Variants in TLL1 observed in about 807,000 individuals in gnomAD.
The protein encoded by TLL1 is tolloid-like protein 1.
A neutral mutation model predicts 128.2 loss-of-function variants in TLL1; 49 were observed. That is an observed-to-expected ratio of 0.38 (90% confidence interval 0.30 to 0.48). The LOEUF is 0.48. TLL1 is among the 20% of genes least tolerant of loss of function. TLL1 has a pLI of 0.96. For synonymous variants in TLL1, 454 were observed against 418.8 expected (o/e 1.08, Z -1.03); for missense variants, 1,123 against 1,242.0 (o/e 0.90, Z 1.44).
chr4:165,904,979 G>A (rs375966613), intron 1 of TLL1, among the ~76,000 whole-genome samples: 1 of 152,142 alleles, frequency 6.6e-6, no homozygotes, highest in African/African-American at 2.4e-5. Context: ...TAACCTATTA[G>A]AACGTCTCAG....
intron 1 of TLL1, chr4:165,919,690 C>A: frequency 2.5e-6 from 1 of 394,818 alleles, no homozygotes; most frequent in Non-Finnish European, 5.1e-6. Flanking sequence ...TTATTCTAGG[C>A]TTTCATCCCC....
intron 1 of TLL1, among the ~76,000 whole-genome samples, chr4:165,892,263 T>C (rs535947107): frequency 6.6e-6 from 1 of 152,288 alleles, no homozygotes; most frequent in South Asian, 2.1e-4. Context: ...GAGATTTGGG[T>C]GGGGACACAA....
chr4:165,992,786 T>C lies in TLL1; in HGVS notation c.281-18T>C. ...TTAACATATTTTGAGTTTAACTTGT[T>C]TCCTTTTATTCTTTAAGGTGGACTT... On this transcript the variant is annotated intron_variant, in intron 2 of 20. Coordinates refer to ENST00000061240, the MANE Select transcript of TLL1 (RefSeq NM_012464.5). The C allele has an allele frequency of 6.2e-7, 1 of 1,611,174 alleles. No individual in the cohort carries two copies. Among genetic ancestry groups the C allele is most frequent in the South Asian group, 1.1e-5 (1 of 91,020 alleles).
At chr4:166,075,095 T>C (rs1331623825) in intron 17 of TLL1, 92 bp downstream of exon 17, 2 of 1,554,770 alleles carry the variant, frequency 1.3e-6, no homozygotes, top group Non-Finnish European at 1.8e-6. Context: ...ATCATTTCAA[T>C]GAGTGATATC....
chr4:165,880,005 A>G lies in TLL1; in HGVS notation c.169+5932A>G, dbSNP rs976027861. Among the ~76,000 whole-genome samples the G allele has an allele frequency of 5.9e-5, 9 of 152,322 alleles. No homozygotes were observed. The East Asian group carries it at 1.7e-3, about 29-fold the overall frequency. On this transcript the variant is annotated intron_variant, in intron 1 of 20. Transcript: ENST00000061240. ...CCTGGATATGGCAGAATGATTTAGC[A>G]ATATGGCTTTCGTGGTTTTTGTCTT...
intron 1 of TLL1, among the ~76,000 whole-genome samples, chr4:165,975,835 C>A (rs967340489): frequency 9.9e-5 from 15 of 151,782 alleles, no homozygotes; most frequent in Admixed American, 9.8e-4. Flanking sequence ...GTCAGGAGTT[C>A]GAGACCAGCC....
intron 9 of TLL1, among the ~76,000 whole-genome samples, chr4:166,027,749 CAT>C (rs1228950959): frequency 3.3e-5 from 5 of 152,054 alleles, no homozygotes; most frequent in Non-Finnish European, 7.4e-5. Flanking sequence ...AAGAAAACCT[CAT>C]AGAATATGAA....
intron 18 of TLL1, among the ~76,000 whole-genome samples, chr4:166,084,427 G>A (rs1178647293): frequency 1.3e-5 from 2 of 152,062 alleles, no homozygotes; most frequent in Non-Finnish European, 2.9e-5. Context: ...CATCGTCTGT[G>A]TTTTTGGAGT....
chr4:165,911,907 G>A (rs181333828), intron 1 of TLL1, among the ~76,000 whole-genome samples: 1 of 151,982 alleles, frequency 6.6e-6, no homozygotes, highest in Non-Finnish European at 1.5e-5. Context: ...ACAGAGTCTC[G>A]CTCTGTCGCC....
chr4:166,003,302 C>G, intron 5 of TLL1, 89 bp from the exon 6 acceptor site: 1 of 1,321,878 alleles, frequency 7.6e-7, no homozygotes, highest in Non-Finnish European at 1.1e-6. Context: ...CTTTATAGCT[C>G]ATCACTATTC....
rs1029803628 is a variant in TLL1, at chr4:166,101,618, C to A, written c.*742C>A. 1 of 152,166 alleles carries A rather than the reference C, an allele frequency of 6.6e-6. No individual in the cohort carries two copies. The highest frequency in any genetic ancestry group is 6.6e-5 in the Admixed American group (1 of 15,186). The allele number at this position is 152,166 out of a possible 1,614,324, so 9.4% of individuals were successfully genotyped here. A position where few individuals can be genotyped will look rare whatever the true frequency, so the allele number is the denominator to read the frequency against. On this transcript the variant is annotated 3_prime_UTR_variant, in exon 21 of 21. Transcript: ENST00000061240. ...GCCCAGTGAATTGGTAAACTTAGTT[C>A]TTTTTTTTGGAAGTGCTGCCTTTTC... is the stretch of plus-strand genomic sequence containing the variant.
chr4:165,954,616 C>T (rs1734688675), intron 1 of TLL1, among the ~76,000 whole-genome samples: 1 of 152,006 alleles, frequency 6.6e-6, no homozygotes, highest in African/African-American at 2.4e-5. Context: ...GATGTCAGGA[C>T]ACCCTGGAAA....
In TLL1 at chr4:166,100,111, G is replaced by C. The variant is rs76045183; in HGVS notation, c.2907+584G>C. On this transcript the variant is annotated intron_variant, in intron 20 of 20. Transcript: ENST00000061240. ...AAAAGAAAAACATAAGGTTTTCTCA[G>C]TGCTTTTCCTCCAGGATTCACTGCA... Among the ~76,000 whole-genome samples, 3,308 of 152,152 alleles carry C rather than the reference G, an allele frequency of 0.022. 178 individuals carry two copies. The East Asian group carries it at 0.24, about 11-fold the overall frequency.
chr4:165,954,240 T>C (rs1184229298), intron 1 of TLL1, among the ~76,000 whole-genome samples: 1 of 152,094 alleles, frequency 6.6e-6, no homozygotes, highest in African/African-American at 2.4e-5. Context: ...AAGAATGTTT[T>C]GGGGTGAGAT....
chr4:165,934,173 C>CTTTTTTTTTTTT (rs779010027), intron 1 of TLL1, among the ~76,000 whole-genome samples: 1 of 108,302 alleles, frequency 9.2e-6, no homozygotes, highest in East Asian at 2.7e-4. Context: ...TAATTTTTTG[C>CTTTTTTTTTTTT]TTTTTTTTTT....
At chr4:165,967,380 T>C (rs943883941) in intron 1 of TLL1, among the ~76,000 whole-genome samples, 1 of 152,138 alleles carries the variant, frequency 6.6e-6, no homozygotes, top group African/African-American at 2.4e-5. Flanking sequence ...GCCTAGGAAA[T>C]TATAAGAGCA....
At chr4:166,092,887 T>G (rs1050330428) in intron 19 of TLL1, among the ~76,000 whole-genome samples, 1 of 152,164 alleles carries the variant, frequency 6.6e-6, no homozygotes, top group Non-Finnish European at 1.5e-5. Flanking sequence ...AAAAGATCAT[T>G]TCTTCAGATC....
At chr4:166,047,246 C>G (rs1204780048) in intron 12 of TLL1, among the ~76,000 whole-genome samples, 1 of 151,412 alleles carries the variant, frequency 6.6e-6, no homozygotes, top group East Asian at 1.9e-4. Context: ...TTCACTGCAA[C>G]CTCCACCTCC....
At chr4:165,907,548 G>GC (rs1287183259) in intron 1 of TLL1, among the ~76,000 whole-genome samples, 3 of 146,242 alleles carry the variant, frequency 2.1e-5, no homozygotes, top group Non-Finnish European at 4.4e-5. Context: ...TTTAATGCAA[G>GC]CCTTTTTTTT....
Sources: allele counts gnomAD v4.1 joint callset (sites outside exome capture counted in the v4.1 genomes callset), GRCh38; gene constraint gnomAD v4.1.1; transcripts MANE v1.5; gene names NCBI Gene and HGNC (gene_info 2026-07-23, HGNC 2026-07-21).